The following GRM1 variants were observed in gnomAD, a reference collection of about 807,000 sequenced individuals.
The protein encoded by GRM1 is glutamate metabotropic receptor 1.
GRM1 carries 33 observed loss-of-function variants against 90.9 expected under a neutral mutation model. That is an observed-to-expected ratio of 0.36 (90% CI 0.28 to 0.49). The LOEUF (loss-of-function observed/expected upper bound fraction) is 0.49. GRM1 is among the 20% of genes least tolerant of loss of function. The probability of loss-of-function intolerance (pLI) is 0.99; values close to 1 mark genes in which losing one functional copy is unlikely to be tolerated. For synonymous variants in GRM1, 700 were observed against 613.2 expected (o/e 1.14, Z -2.09); for missense variants, 1,190 against 1,534.3 (o/e 0.78, Z 3.75).
intron 1 of GRM1, among the ~76,000 whole-genome samples, chr6:146,081,101 T>C (rs954952076): frequency 1.3e-5 from 2 of 152,100 alleles, no homozygotes; most frequent in Non-Finnish European, 2.9e-5. Flanking sequence ...CAAAGCATCA[T>C]TTAAAAGCTG....
At chr6:146,154,238 C>T (rs1168858269) in intron 1 of GRM1, among the ~76,000 whole-genome samples, 1 of 152,226 alleles carries the variant, frequency 6.6e-6, no homozygotes, top group Admixed American at 6.5e-5. Flanking sequence ...CTCCTTGTAA[C>T]ACAATCTTCT....
chr6:146,202,081 C>A (rs7770357), intron 2 of GRM1, among the ~76,000 whole-genome samples: 33,031 of 152,062 alleles, frequency 0.22, 7,369 homozygotes, highest in African/African-American at 0.57. Context: ...GAGAGTGCAT[C>A]CCCCAATGAA....
At chr6:146,136,289 C>T (rs1361201109) in intron 1 of GRM1, among the ~76,000 whole-genome samples, 2 of 152,112 alleles carry the variant, frequency 1.3e-5, no homozygotes, top group African/African-American at 4.8e-5. Context: ...TCTTTTGGGT[C>T]TATACCTAGA....
intron 1 of GRM1, among the ~76,000 whole-genome samples, chr6:146,089,571 C>T (rs138265281): frequency 1.7e-3 from 253 of 152,142 alleles, no homozygotes; most frequent in Non-Finnish European, 2.6e-3. Context: ...ATTTTTGCCA[C>T]GGAAACAATA....
At chr6:146,428,158 A>T (rs1405046312) in intron 7 of GRM1, among the ~76,000 whole-genome samples, 3 of 152,272 alleles carry the variant, frequency 2.0e-5, no homozygotes. Context: ...AGAGATAAGT[A>T]GGTTTAAATC....
At chr6:146,170,052 C>T (rs1409120075) in intron 2 of GRM1, among the ~76,000 whole-genome samples, 2 of 152,082 alleles carry the variant, frequency 1.3e-5, no homozygotes, top group African/African-American at 4.8e-5. Context: ...AGATTCTTGG[C>T]TAACAACTTT....
intron 4 of GRM1, among the ~76,000 whole-genome samples, chr6:146,356,661 C>G (rs1294474289): frequency 6.6e-6 from 1 of 152,102 alleles, no homozygotes; most frequent in Admixed American, 6.5e-5. Flanking sequence ...ACAAGAACCA[C>G]GTGAGGCTTA....
At chr6:146,215,661 ATCT>A (rs1189195376) in intron 2 of GRM1, among the ~76,000 whole-genome samples, 17 of 151,876 alleles carry the variant, frequency 1.1e-4, no homozygotes, top group East Asian at 3.9e-4. Flanking sequence ...ACCACCAAAA[ATCT>A]TCTCCTTTAT....
At chr6:146,062,718 C>T (rs1025597629) in intron 1 of GRM1, among the ~76,000 whole-genome samples, 2 of 151,676 alleles carry the variant, frequency 1.3e-5, no homozygotes, top group African/African-American at 4.8e-5. Flanking sequence ...TCTGTAATGC[C>T]TATTTTGCTA....
At chr6:146,296,076 A>G (rs1783168410) in intron 2 of GRM1, among the ~76,000 whole-genome samples, 1 of 152,240 alleles carries the variant, frequency 6.6e-6, no homozygotes, top group African/African-American at 2.4e-5. Flanking sequence ...ATGGCTGCAT[A>G]GTATTCCGTG....
At chr6:146,374,469 A>G (rs1776019767) in intron 5 of GRM1, among the ~76,000 whole-genome samples, 1 of 152,168 alleles carries the variant, frequency 6.6e-6, no homozygotes, top group Admixed American at 6.5e-5. Flanking sequence ...AATGCTTGAT[A>G]GAAATCAGCA....
chr6:146,327,327 G>C (rs1784428840), intron 3 of GRM1, among the ~76,000 whole-genome samples: 1 of 152,076 alleles, frequency 6.6e-6, no homozygotes, highest in African/African-American at 2.4e-5. Flanking sequence ...AGACAAAATA[G>C]GTGTTATGAA....
chr6:146,294,133 C>T (rs887364657), intron 2 of GRM1, among the ~76,000 whole-genome samples: 1 of 151,376 alleles, frequency 6.6e-6, no homozygotes, highest in Non-Finnish European at 1.5e-5. Context: ...TATGTTTATT[C>T]TGTGTTCTTT....
chr6:146,359,749 G>A (rs1057242958), intron 5 of GRM1, among the ~76,000 whole-genome samples: 2 of 152,180 alleles, frequency 1.3e-5, no homozygotes, highest in Non-Finnish European at 2.9e-5. Flanking sequence ...AGACACTGAA[G>A]TGTTTCTGCC....
chr6:146,406,557 G>C (rs901807848), intron 7 of GRM1, among the ~76,000 whole-genome samples: 1 of 152,080 alleles, frequency 6.6e-6, no homozygotes, highest in Non-Finnish European at 1.5e-5. Flanking sequence ...GGCTGGGCAT[G>C]GTAGCTCACG....
At chr6:146,183,186 C>T (rs1778610722) in intron 2 of GRM1, among the ~76,000 whole-genome samples, 1 of 152,088 alleles carries the variant, frequency 6.6e-6, no homozygotes, top group African/African-American at 2.4e-5. Flanking sequence ...GAAAAGGAGA[C>T]AAGTGGAGAC....
At chr6:146,254,159 C>T (rs1248726020) in intron 2 of GRM1, among the ~76,000 whole-genome samples, 1 of 152,132 alleles carries the variant, frequency 6.6e-6, no homozygotes, top group African/African-American at 2.4e-5. Flanking sequence ...GCAGAAACGA[C>T]GGCAGCAAGA....
intron 7 of GRM1, among the ~76,000 whole-genome samples, chr6:146,427,929 C>G (rs1778271717): frequency 6.6e-6 from 1 of 152,202 alleles, no homozygotes; most frequent in Admixed American, 6.5e-5. Context: ...ATGTGCTTGT[C>G]TTGTCCTGAC....
chr6:146,381,548 A>G (rs1210847465), intron 5 of GRM1, among the ~76,000 whole-genome samples: 1 of 152,162 alleles, frequency 6.6e-6, no homozygotes, highest in Admixed American at 6.5e-5. Flanking sequence ...CTGACTCTAC[A>G]GTGCCTCTTT....
Sources: allele counts gnomAD v4.1 joint callset (sites outside exome capture counted in the v4.1 genomes callset), GRCh38; gene constraint gnomAD v4.1.1; transcripts MANE v1.5; gene names NCBI Gene and HGNC (gene_info 2026-07-23, HGNC 2026-07-21).